SH3GLB2: variants seen among roughly 807,000 people sequenced by gnomAD.
The protein encoded by SH3GLB2 is endophilin-B2.
A neutral mutation model predicts 48.0 loss-of-function variants in SH3GLB2; 24 were observed. The ratio of observed to expected loss-of-function variants is 0.50; its 90% CI spans 0.36 to 0.70. The LOEUF (loss-of-function observed/expected upper bound fraction) is 0.70, where lower values mean the gene tolerates loss of function less well. SH3GLB2 is among the 30% of genes least tolerant of loss of function. SH3GLB2 has a pLI of 0.00. For missense variants in SH3GLB2, 425 were observed against 516.0 expected, an observed-to-expected ratio of 0.82 and a Z score of 1.71; for synonymous variants, 227 against 207.6, an observed-to-expected ratio of 1.09 and a Z score of -0.80.
chr9:129,010,028 C>A, intron 8 of SH3GLB2, 92 bp downstream of exon 8: 1 of 1,433,636 alleles, frequency 7.0e-7, no homozygotes, highest in South Asian at 1.2e-5. Flanking sequence ...TCTGTGAGGG[C>A]CATTCTGGGG....
chr9:129,017,318 T>C (rs1843490181), intron 3 of SH3GLB2, among the ~76,000 whole-genome samples: 1 of 152,056 alleles, frequency 6.6e-6, no homozygotes, highest in South Asian at 2.1e-4. Flanking sequence ...CCTTGAACAC[T>C]ATTAACCGAT....
chr9:129,010,120 G>T lies in SH3GLB2; in HGVS notation c.738C>A (p.His246Gln). The change falls in exon 8 of 11, where the codon CAC (histidine) becomes CAA (glutamine). Residue 246 changes from histidine (H) to glutamine (Q), a missense_variant and splice_region_variant. Transcript: ENST00000372564. ...RLLLEGISSTHVNHLRCLHEF... is the reference protein window; with the variant it reads ...RLLLEGISSTQVNHLRCLHEF... ...AGTGAGGGTGGGCAGTGGGACTCACGTGAGTGCTACTGATTCCCTCCAGCA... is the reference window on the plus strand; with the variant it reads ...AGTGAGGGTGGGCAGTGGGACTCACTTGAGTGCTACTGATTCCCTCCAGCA... 2 of 1,613,478 alleles carry T rather than the reference G, an allele frequency of 1.2e-6. No individual in the cohort carries two copies. Among genetic ancestry groups the T allele is most frequent in the Non-Finnish European group, 1.7e-6 (2 of 1,179,474 alleles).
chr9:129,025,083 C>A (rs562364057), intron 1 of SH3GLB2, among the ~76,000 whole-genome samples: 2 of 150,584 alleles, frequency 1.3e-5, no homozygotes, highest in East Asian at 3.9e-4. Flanking sequence ...CGAGACCAGC[C>A]TGGCTAACAT....
chr9:129,023,664 T>A (rs1843955565), intron 1 of SH3GLB2, among the ~76,000 whole-genome samples: 1 of 151,508 alleles, frequency 6.6e-6, no homozygotes, highest in South Asian at 2.1e-4. Flanking sequence ...TGGCTGCAGT[T>A]GGCTCCAGCT....
At chr9:129,027,010 G>A (rs1405135439) in intron 1 of SH3GLB2, among the ~76,000 whole-genome samples, 1 of 152,140 alleles carries the variant, frequency 6.6e-6, no homozygotes, top group Non-Finnish European at 1.5e-5. Flanking sequence ...GGAGAGAACT[G>A]TACTCAACAG....
intron 3 of SH3GLB2, 79 bp downstream of exon 3, chr9:129,021,012 G>GT (rs1843757769): frequency 1.5e-6 from 2 of 1,314,480 alleles, no homozygotes; most frequent in Middle Eastern, 2.7e-4. Flanking sequence ...ATTTTTTTAA[G>GT]TAAAAAAAAG....
intron 3 of SH3GLB2, among the ~76,000 whole-genome samples, chr9:129,016,960 T>TA (rs1843467313): frequency 6.7e-6 from 1 of 149,590 alleles, no homozygotes; most frequent in South Asian, 2.1e-4. Context: ...TCTTTTTTTT[T>TA]TTTTTTTTTT....
At chr9:129,022,455 G>T (rs772481716) in intron 1 of SH3GLB2, 32 bp from the exon 2 acceptor site, 8 of 1,600,038 alleles carry the variant, frequency 5.0e-6, no homozygotes, top group African/African-American at 4.0e-5. Flanking sequence ...GGGGTGGGGA[G>T]GGGGAGAGCT....
chr9:129,013,442 G>A (rs1002109561), intron 5 of SH3GLB2: 1 of 223,446 alleles, frequency 4.5e-6, no homozygotes, highest in Non-Finnish European at 9.0e-6. Flanking sequence ...AGACTGTCCT[G>A]TTCAGGTGCC....
chr9:129,017,683 G>C (rs1475024661), intron 3 of SH3GLB2, among the ~76,000 whole-genome samples: 3 of 151,830 alleles, frequency 2.0e-5, no homozygotes, highest in Non-Finnish European at 4.4e-5. Flanking sequence ...GGTGGATCAC[G>C]AGGTCAGGAG....
chr9:129,011,101 C>T lies in SH3GLB2; in HGVS notation c.625-408G>A, dbSNP rs1373654898. ...GTCCTCTGGCAGAGAAAGGTGGCCT[C>T]GTGCTTGAGTCACACTGGGACTCAA... On this transcript the variant is annotated intron_variant, in intron 6 of 10. Transcript: ENST00000372564. This position sits in a 1 kb window ranked among gnomAD's most constrained non-coding sequence, Gnocchi z 4.5. 4.4e-5 allele frequency: 9 copies of T among 203,196 alleles called. No individual in the cohort carries two copies. Among genetic ancestry groups the T allele is most frequent in the Non-Finnish European group, 6.9e-5 (7 of 101,504 alleles). 12.6% of individuals were successfully genotyped at this position (203,196 alleles called of 1,614,324 possible). A position where few individuals can be genotyped will look rare whatever the true frequency, so the allele number is the denominator to read the frequency against.
At position 129,014,783 on chromosome 9, in the gene SH3GLB2, C is replaced by A; in HGVS notation, c.456G>T (p.Trp152Cys). 6.2e-7 allele frequency: 1 copy of A among 1,613,464 alleles called. No individual in the cohort carries two copies. ...CCAGGGCCCTCACCGAGATGGTCTT[C>A]CAGTCCCCCTCCAGGAAGTTGCGCA... ...TPLRNFLEGD[W>C]KTISKERRLL... Residue 152 changes from tryptophan (W) to cysteine (C), a missense_variant, in exon 4 of 11, where the codon TGG (tryptophan) becomes TGT (cysteine). Physicochemically the swap from Trp to Cys is radical, Grantham distance 215. Transcript: ENST00000372564. The surrounding 1 kb of genome is among the most constrained non-coding windows in gnomAD (Gnocchi z 4.1).
At chr9:129,015,873 AAAAG>A in intron 3 of SH3GLB2, 2 of 319,306 alleles carry the variant, frequency 6.3e-6, no homozygotes, top group Non-Finnish European at 1.3e-5. Flanking sequence ...GTCTTTAAAA[AAAAG>A]AAAAGAAAAG....
At chr9:129,025,278 A>G (rs1358453413) in intron 1 of SH3GLB2, among the ~76,000 whole-genome samples, 6 of 128,978 alleles carry the variant, frequency 4.7e-5, no homozygotes, top group African/African-American at 1.8e-4. Context: ...AAAAAAAAAA[A>G]AAGGCCAGGC....
intron 5 of SH3GLB2, chr9:129,012,631 C>G (rs1843191871): frequency 6.6e-6 from 3 of 451,274 alleles, no homozygotes. Context: ...CCTCCCCAGA[C>G]CAGTGGCACT....
At chr9:129,016,400 C>T (rs370381322) in intron 3 of SH3GLB2, among the ~76,000 whole-genome samples, 38 of 145,928 alleles carry the variant, frequency 2.6e-4, no homozygotes, top group Admixed American at 1.2e-3. Flanking sequence ...GTGGCTCACA[C>T]CTGTAATCCC....
intron 7 of SH3GLB2, 150 bp from the exon 8 acceptor site, chr9:129,010,359 C>T (rs1194101433): frequency 8.8e-6 from 6 of 684,080 alleles, no homozygotes; most frequent in South Asian, 1.9e-5. Context: ...ACACCTGGAG[C>T]CCCAACCCCA....
chr9:129,012,999 T>A (rs578192216), intron 5 of SH3GLB2: 1 of 1,551,036 alleles, frequency 6.4e-7, no homozygotes, highest in South Asian at 1.2e-5. Flanking sequence ...GTGGGACAGG[T>A]ATACTCACAT....
chr9:129,014,810 G>A lies in SH3GLB2; in HGVS notation c.429C>T (p.Pro143=). Residue 143 remains proline (P), a synonymous_variant, in exon 4 of 11, where the codon CCC becomes CCT. Transcript: ENST00000372564. The surrounding 1 kb of genome is among the most constrained non-coding windows in gnomAD (Gnocchi z 4.1). ...IHTASISFLT[P]LRNFLEGDWK... ...AGTCCCCCTCCAGGAAGTTGCGCAA[G>A]GGTGTGAGGAAGCTGATGGAGGCCG... is the stretch of plus-strand genomic sequence containing the variant. The A allele has an allele frequency of 6.2e-7, 1 of 1,613,910 alleles. No individual in the cohort carries two copies.
Sources: allele counts gnomAD v4.1 joint callset (sites outside exome capture counted in the v4.1 genomes callset), GRCh38; gene constraint gnomAD v4.1.1; non-coding constraint Gnocchi (gnomAD v3.1); transcripts MANE v1.5; gene names NCBI Gene and HGNC (gene_info 2026-07-23, HGNC 2026-07-21).